The following NAA16 variants were observed in gnomAD, a reference collection of about 807,000 sequenced individuals.
NAA16 encodes the protein N-alpha-acetyltransferase 16, NatA auxiliary subunit, also known as NARG1-like protein.
A neutral mutation model predicts 110.3 loss-of-function variants in NAA16; 97 were observed. The ratio of observed to expected loss-of-function variants is 0.88; its 90% CI spans 0.75 to 1.04. NAA16 has a LOEUF of 1.04. NAA16 is among the 50% of genes least tolerant of loss of function. The pLI is 0.00. For missense variants in NAA16, 1,017 were observed against 1,005.1 expected, an observed-to-expected ratio of 1.01 and a Z score of -0.16; for synonymous variants, 372 against 330.6, an observed-to-expected ratio of 1.13 and a Z score of -1.36.
chr13:41,316,872 A>G lies in NAA16; in HGVS notation c.81A>G (p.Lys27=). ...AATGTTATGAACAGAAGCAGTACAA[A>G]AATGGCCTCAAGTTTTGCAAGATGA... ...ILKCYEQKQY[K]NGLKFCKMIL... The change falls in exon 2 of 20, where the codon AAA becomes AAG. Residue 27 remains lysine, a synonymous_variant. Transcript: ENST00000379406. The G allele has an allele frequency of 6.2e-7, 1 of 1,613,632 alleles. No homozygotes were observed. The highest frequency in any genetic ancestry group is 8.5e-7 in the Non-Finnish European group (1 of 1,179,644).
intron 6 of NAA16, 152 bp from the exon 7 acceptor site, chr13:41,328,572 G>A: frequency 1.6e-6 from 1 of 606,306 alleles, no homozygotes; most frequent in East Asian, 3.0e-5. Context: ...GGCAAGCTAT[G>A]CTTAGTTACA....
intron 9 of NAA16, chr13:41,354,431 G>A (rs964574252): frequency 6.6e-6 from 1 of 152,192 alleles, no homozygotes. Flanking sequence ...CAGTGTGAGG[G>A]GAACCATAGT....
chr13:41,371,662 GTT>G (rs1365693236), intron 15 of NAA16, among the ~76,000 whole-genome samples: 1 of 152,158 alleles, frequency 6.6e-6, no homozygotes, highest in Non-Finnish European at 1.5e-5. Context: ...CACAATATGT[GTT>G]AATCAGCTGT....
intron 17 of NAA16, 103 bp downstream of exon 17, chr13:41,372,933 T>A (rs540016184): frequency 1.0e-3 from 1,283 of 1,238,668 alleles, no homozygotes; most frequent in Non-Finnish European, 1.3e-3. Context: ...ACCCTCTCTT[T>A]GTGAAGTAAA....
At position 41,330,049 on chromosome 13, in the gene NAA16, C is replaced by T. The variant is rs2139410241; in HGVS notation, c.811+1206C>T. Among the ~76,000 whole-genome samples the T allele has an allele frequency of 1.3e-5, 2 of 150,662 alleles. 1 individual carries two copies. The highest frequency in any genetic ancestry group is 4.2e-4 in the South Asian group (2 of 4,796). ...TAATTTTTTTTTTTCATACTTGGCG[C>T]TTGTTGTTCTCTACGATTAGGCACG... On this transcript the variant is annotated intron_variant, in intron 7 of 19. Transcript: ENST00000379406.
intron 13 of NAA16, 59 bp from the exon 14 acceptor site, chr13:41,367,380 T>C (rs2043226577): frequency 1.6e-6 from 2 of 1,240,018 alleles, no homozygotes; most frequent in African/African-American, 3.0e-5. Context: ...TTTTTTTTTC[T>C]AAAGGTAGAC....
Position 41,328,714 on chromosome 13 carries a change from T to C in NAA16, c.692-10T>C. On this transcript the variant is annotated splice_polypyrimidine_tract_variant and intron_variant, in intron 6 of 19. Coordinates refer to ENST00000379406, the MANE Select transcript of NAA16 (RefSeq NM_024561.5). ...GTTTAAAATGAATATGTCTTTAAACTTAATTTCAGGGGAAATACTGTTGAA... is the reference window on the plus strand; with the variant it reads ...GTTTAAAATGAATATGTCTTTAAACCTAATTTCAGGGGAAATACTGTTGAA... The C allele has an allele frequency of 6.3e-7, 1 of 1,598,984 alleles. No individual in the cohort carries two copies.
At chr13:41,322,631 G>A (rs377759756) in intron 4 of NAA16, among the ~76,000 whole-genome samples, 2 of 152,094 alleles carry the variant, frequency 1.3e-5, no homozygotes, top group African/African-American at 2.4e-5. Context: ...TGGGTGTTTC[G>A]CCTGGCTGTG....
intron 8 of NAA16, among the ~76,000 whole-genome samples, chr13:41,334,257 C>T (rs187394958): frequency 1.3e-5 from 2 of 152,082 alleles, no homozygotes; most frequent in East Asian, 3.9e-4. Context: ...GGCTTCATAC[C>T]TACAGAACAA....
intron 12 of NAA16, among the ~76,000 whole-genome samples, 150 bp from the exon 13 acceptor site, chr13:41,361,878 TGTA>T (rs1375854238): frequency 6.6e-6 from 1 of 152,254 alleles, no homozygotes; most frequent in African/African-American, 2.4e-5. Context: ...GAGAGACTAT[TGTA>T]GTATAAAACC....
At position 41,331,326 on chromosome 13, in the gene NAA16, CA is replaced by C. The variant is rs1342187342; in HGVS notation, c.867del (p.Ala290GlnfsTer9). 1 of 1,609,676 alleles carries C rather than the reference CA, an allele frequency of 6.2e-7. No homozygotes were observed. The highest frequency in any genetic ancestry group is 8.5e-7 in the Non-Finnish European group (1 of 1,177,408). ...IYEEISKQHPKAITPRRLPLT... is the reference protein window; with the variant it reads ...IYEEISKQHPXAITPRRLPLT... ...ATGAAGAAATTAGTAAGCAGCACCC[CA>C]AAGCAATTACACCCAGAAGATTACC... On this transcript the variant is annotated frameshift_variant, in exon 8 of 20. Coordinates refer to ENST00000379406, the MANE Select transcript of NAA16 (RefSeq NM_024561.5). LOFTEE classifies it high-confidence loss of function.
intron 9 of NAA16, among the ~76,000 whole-genome samples, chr13:41,345,696 C>T (rs978788125): frequency 1.3e-4 from 20 of 152,120 alleles, no homozygotes; most frequent in African/African-American, 4.1e-4. Flanking sequence ...GATCCTCCCA[C>T]CTCCACTTCC....
intron 13 of NAA16, among the ~76,000 whole-genome samples, chr13:41,363,857 T>C (rs936251901): frequency 1.3e-5 from 2 of 152,154 alleles, no homozygotes; most frequent in Non-Finnish European, 2.9e-5. Context: ...CCTACTCTTA[T>C]ACCAGTTGTA....
At chr13:41,324,643 G>C (rs945907787) in intron 5 of NAA16, among the ~76,000 whole-genome samples, 14 of 150,918 alleles carry the variant, frequency 9.3e-5, no homozygotes, top group Non-Finnish European at 1.3e-4. Context: ...CAAAGTGCTG[G>C]GATTACAGGT....
chr13:41,358,286 A>G lies in NAA16; in HGVS notation c.1088-18A>G, dbSNP rs200431508. On this transcript the variant is annotated intron_variant, in intron 10 of 19. Transcript: ENST00000379406. Reference sequence around the variant, plus strand: ...TTTACATTCTTTCTATAATAATTTAATATTTGTTTGATTGCAGAGAATGGG... The same window carrying G: ...TTTACATTCTTTCTATAATAATTTAGTATTTGTTTGATTGCAGAGAATGGG... 18 of 1,597,946 alleles carry G rather than the reference A, an allele frequency of 1.1e-5. No individual in the cohort carries two copies. The Admixed American group carries it at 1.7e-4, about 15-fold the overall frequency.
At chr13:41,329,462 C>T (rs148741973) in intron 7 of NAA16, among the ~76,000 whole-genome samples, 354 of 150,490 alleles carry the variant, frequency 2.4e-3, no homozygotes, top group Middle Eastern at 7.1e-3. Flanking sequence ...AAATATATTC[C>T]TGAAATAATT....
Position 41,316,863 on chromosome 13 carries a change from G to T in NAA16, c.72G>T (p.Lys24Asn). The change falls in exon 2 of 20, where the codon AAG (lysine) becomes AAT (asparagine). Residue 24 changes from lysine (K) to asparagine (N), a missense_variant. Lys to Asn is a moderately conservative substitution (Grantham distance 94). Coordinates refer to ENST00000379406, the MANE Select transcript of NAA16 (RefSeq NM_024561.5). ...FKRILKCYEQ[K>N]QYKNGLKFCK... ...CTTTACAGAAATGTTATGAACAGAA[G>T]CAGTACAAAAATGGCCTCAAGTTTT... The T allele has an allele frequency of 6.2e-7, 1 of 1,612,590 alleles. No individual in the cohort carries two copies. The highest frequency in any genetic ancestry group is 8.5e-7 in the Non-Finnish European group (1 of 1,178,798).
chr13:41,369,845 C>G (rs1032651743), intron 15 of NAA16, among the ~76,000 whole-genome samples: 5 of 152,164 alleles, frequency 3.3e-5, no homozygotes, highest in African/African-American at 1.2e-4. Context: ...GAAATGCAGT[C>G]CTGCTGACAC....
In NAA16 at chr13:41,375,569, A is replaced by G; in HGVS notation, c.2562A>G (p.Thr854=). 1 of 1,613,616 alleles carries G rather than the reference A, an allele frequency of 6.2e-7. No homozygotes were observed. The highest frequency in any genetic ancestry group is 8.5e-7 in the Non-Finnish European group (1 of 1,179,716). ...ATCCTAATGTGGCACTGAACCATAC[A>G]GCTAATTATGATGTCTTGGCAAATG... ...VDNPNVALNH[T]ANYDVLANEI is the part of the protein sequence containing the mutation. The change falls in exon 20 of 20, where the codon ACA becomes ACG. Residue 854 remains threonine, a synonymous_variant. Coordinates refer to ENST00000379406, the MANE Select transcript of NAA16 (RefSeq NM_024561.5).
Sources: allele counts gnomAD v4.1 joint callset (sites outside exome capture counted in the v4.1 genomes callset), GRCh38; gene constraint gnomAD v4.1.1; transcripts MANE v1.5; gene names NCBI Gene and HGNC (gene_info 2026-07-23, HGNC 2026-07-21).